Variants in WDR72 observed in about 807,000 individuals in gnomAD.
WDR72 encodes WD repeat domain 72, also known as WD repeat-containing protein 72.
In WDR72, 120 loss-of-function variants were observed where a neutral mutation model predicts 124.2. The observed-to-expected ratio is 0.97, with a 90% CI of 0.83 to 1.12. WDR72 has a LOEUF of 1.12. Ranked by LOEUF, WDR72 falls within the 50% of genes most tolerant of loss-of-function variation. WDR72 has a pLI of 0.00. For missense variants in WDR72, 1,387 were observed against 1,278.8 expected, an observed-to-expected ratio of 1.08 and a Z score of -1.29; for synonymous variants, 452 against 441.7, an observed-to-expected ratio of 1.02 and a Z score of -0.29.
intron 17 of WDR72, among the ~76,000 whole-genome samples, chr15:53,598,213 C>CT (rs72106864): frequency 0.14 from 20,847 of 150,994 alleles, 2,203 homozygotes; most frequent in African/African-American, 0.3. Flanking sequence ...ACAGTTAAAC[C>CT]TTCATATAGC....
intron 3 of WDR72, among the ~76,000 whole-genome samples, chr15:53,719,502 T>G (rs141345271): frequency 6.6e-6 from 1 of 152,316 alleles, no homozygotes; most frequent in Non-Finnish European, 1.5e-5. Flanking sequence ...CATCTCCACC[T>G]GTGTGACTTT....
chr15:53,610,558 T>C (rs1387060619), intron 16 of WDR72, among the ~76,000 whole-genome samples: 4 of 148,880 alleles, frequency 2.7e-5, no homozygotes, highest in Non-Finnish European at 5.9e-5. Context: ...CCTATTTTTA[T>C]ATTAACATAT....
chr15:53,602,670 C>A (rs895139114), intron 17 of WDR72, among the ~76,000 whole-genome samples: 2 of 151,972 alleles, frequency 1.3e-5, no homozygotes, highest in Admixed American at 6.6e-5. Context: ...ACTGACCCAA[C>A]AGAAAAGCAA....
At chr15:53,518,286 A>G (rs934986273) in intron 19 of WDR72, among the ~76,000 whole-genome samples, 1 of 152,148 alleles carries the variant, frequency 6.6e-6, no homozygotes, top group South Asian at 2.1e-4. Flanking sequence ...CAAATTGACT[A>G]CCAAACTAAT....
intron 13 of WDR72, among the ~76,000 whole-genome samples, chr15:53,666,870 C>G (rs1313284993): frequency 6.6e-6 from 1 of 152,186 alleles, no homozygotes; most frequent in East Asian, 1.9e-4. Context: ...TACAACTAAA[C>G]TACCATTAGC....
intron 11 of WDR72, among the ~76,000 whole-genome samples, chr15:53,702,643 T>C (rs557527199): frequency 6.6e-5 from 10 of 152,024 alleles, no homozygotes; most frequent in Non-Finnish European, 1.2e-4. Flanking sequence ...GAGGCCAGGA[T>C]GGGCAGATCG....
At chr15:53,519,337 A>C (rs1245274941) in intron 19 of WDR72, among the ~76,000 whole-genome samples, 10 of 152,100 alleles carry the variant, frequency 6.6e-5, no homozygotes, top group Non-Finnish European at 5.9e-5. Flanking sequence ...TTTCAGATTC[A>C]GAAGCAACCA....
At chr15:53,638,444 A>T (rs2014706058) in intron 14 of WDR72, among the ~76,000 whole-genome samples, 2 of 152,232 alleles carry the variant, frequency 1.3e-5, no homozygotes, top group Admixed American at 6.5e-5. Flanking sequence ...TTTCTACTCC[A>T]TGGCAACATG....
chr15:53,631,713 T>C (rs1019984851), intron 14 of WDR72, among the ~76,000 whole-genome samples: 1 of 152,154 alleles, frequency 6.6e-6, no homozygotes, highest in Non-Finnish European at 1.5e-5. Flanking sequence ...AAGGTCACTT[T>C]GTTATGCTTT....
intron 1 of WDR72, among the ~76,000 whole-genome samples, chr15:53,738,986 T>C (rs903935261): frequency 9.2e-5 from 14 of 152,196 alleles, no homozygotes; most frequent in African/African-American, 3.4e-4. Context: ...GAATAAAATA[T>C]GTAAAATTAT....
rs988784922 is a variant in WDR72, at chr15:53,552,491, T to G, written c.3149-29169A>C. On this transcript the variant is annotated intron_variant, in intron 18 of 19. Coordinates refer to ENST00000360509, the MANE Select transcript of WDR72 (RefSeq NM_182758.4). Reference sequence around the variant, plus strand: ...TTTGCACAGCTACCCAATCTGCTATTGAAGCAGTCTCAATCTTCTTCAATA... The same window carrying G: ...TTTGCACAGCTACCCAATCTGCTATGGAAGCAGTCTCAATCTTCTTCAATA... Among the ~76,000 whole-genome samples, 5 of 152,304 alleles carry G rather than the reference T, an allele frequency of 3.3e-5. No individual in the cohort carries two copies. The South Asian group carries it at 8.3e-4, about 25-fold the overall frequency.
In WDR72 at chr15:53,699,845, A is replaced by G; in HGVS notation, c.1670T>C (p.Leu557Pro). 6.2e-7 allele frequency: 1 copy of G among 1,614,180 alleles called. No individual in the cohort carries two copies. Among genetic ancestry groups the G allele is most frequent in the South Asian group, 1.1e-5 (1 of 91,080 alleles). The stretch of plus-strand genomic sequence containing the variant: ...CCATTTTATCATCCTCACAGGAAAA[A>G]GGTGCTTCCGGGCATGCAGGAGGCA... ...KSCLLHARKH[L>P]FPVRMIKWHP... Residue 557 changes from leucine to proline, a missense_variant, in exon 13 of 20, where the codon CTT becomes CCT. Transcript: ENST00000360509.
Position 53,514,152 on chromosome 15 carries a change from C to T in WDR72, c.*3547G>A, listed in dbSNP as rs916004297. Reference sequence around the variant, plus strand: ...TAATTTTTTAAAATTACAAAAAACACTAAGTATTATGCAAATGTTTACAAA... The same window carrying T: ...TAATTTTTTAAAATTACAAAAAACATTAAGTATTATGCAAATGTTTACAAA... On this transcript the variant is annotated 3_prime_UTR_variant, in exon 20 of 20. Coordinates refer to ENST00000360509, the MANE Select transcript of WDR72 (RefSeq NM_182758.4). The T allele has an allele frequency of 6.6e-6, 1 of 152,132 alleles. No individual in the cohort carries two copies. The highest frequency in any genetic ancestry group is 2.4e-5 in the African/African-American group (1 of 41,438). 9.4% of individuals were successfully genotyped at this position (152,132 alleles called of 1,614,324 possible).
At chr15:53,606,897 C>T (rs1205200615) in intron 17 of WDR72, among the ~76,000 whole-genome samples, 1 of 152,084 alleles carries the variant, frequency 6.6e-6, no homozygotes, top group Non-Finnish European at 1.5e-5. Context: ...TATTTGCAGG[C>T]CATGATAACA....
chr15:53,551,435 A>G (rs1164342896), intron 18 of WDR72, among the ~76,000 whole-genome samples: 2 of 152,186 alleles, frequency 1.3e-5, no homozygotes, highest in African/African-American at 4.8e-5. Context: ...ACCCACTCTC[A>G]GCCTTTCTCT....
chr15:53,665,498 G>T, intron 14 of WDR72, 74 bp downstream of exon 14: 3 of 1,516,108 alleles, frequency 2.0e-6, no homozygotes, highest in Non-Finnish European at 2.7e-6. Flanking sequence ...TAAGTGCCAT[G>T]TATTTATGAA....
At chr15:53,611,908 C>A (rs1469175666) in intron 16 of WDR72, among the ~76,000 whole-genome samples, 1 of 152,136 alleles carries the variant, frequency 6.6e-6, no homozygotes, top group Non-Finnish European at 1.5e-5. Context: ...CTCTTTTCAA[C>A]AGTCGTGTGA....
chr15:53,514,871 G>A lies in WDR72; in HGVS notation c.*2828C>T, dbSNP rs1447676039. ...CACACGGCCTGGACACGCTGCCGAGGAGCCTCTGCTTTTAACCCTCCAGGC... is the reference window on the plus strand; with the variant it reads ...CACACGGCCTGGACACGCTGCCGAGAAGCCTCTGCTTTTAACCCTCCAGGC... On this transcript the variant is annotated 3_prime_UTR_variant, in exon 20 of 20. Coordinates refer to ENST00000360509, the MANE Select transcript of WDR72 (RefSeq NM_182758.4). The A allele has an allele frequency of 6.6e-6, 1 of 151,808 alleles. No individual in the cohort carries two copies. Among genetic ancestry groups the A allele is most frequent in the Non-Finnish European group, 1.5e-5 (1 of 67,996 alleles). 9.4% of individuals were successfully genotyped at this position (151,808 alleles called of 1,614,324 possible).
intron 17 of WDR72, among the ~76,000 whole-genome samples, chr15:53,604,799 T>C (rs990955936): frequency 1.3e-5 from 2 of 152,054 alleles, no homozygotes; most frequent in African/African-American, 4.8e-5. Flanking sequence ...CTAGTCAGAA[T>C]GTTGAAGTCA....
Sources: allele counts gnomAD v4.1 joint callset (sites outside exome capture counted in the v4.1 genomes callset), GRCh38; gene constraint gnomAD v4.1.1; transcripts MANE v1.5; gene names NCBI Gene and HGNC (gene_info 2026-07-23, HGNC 2026-07-21).